Variants in GRM1 observed in about 807,000 individuals in gnomAD.
The protein encoded by GRM1 is metabotropic glutamate receptor 1.
A neutral mutation model predicts 90.9 loss-of-function variants in GRM1; 33 were observed. The ratio of observed to expected loss-of-function variants is 0.36; its 90% CI spans 0.28 to 0.49. The LOEUF is 0.49. Ranked by LOEUF, GRM1 falls within the 20% of genes least tolerant of loss-of-function variation. The pLI is 0.99. For missense variants in GRM1, 1,190 were observed against 1,534.3 expected (o/e 0.78, Z 3.75); for synonymous variants, 700 against 613.2 (o/e 1.14, Z -2.09).
intron 2 of GRM1, chr6:146,159,866 G>T: frequency 2.8e-6 from 1 of 363,250 alleles, no homozygotes. Flanking sequence ...AGTGAGCTAT[G>T]ATTGGTGCCA....
chr6:146,141,177 C>T (rs766375741), intron 1 of GRM1, among the ~76,000 whole-genome samples: 2 of 151,790 alleles, frequency 1.3e-5, no homozygotes, highest in African/African-American at 2.4e-5. Context: ...GATTTTTTTT[C>T]GTCCTGCATT....
At chr6:146,366,036 T>A (rs978599422) in intron 5 of GRM1, among the ~76,000 whole-genome samples, 16 of 152,302 alleles carry the variant, frequency 1.1e-4, no homozygotes, top group Admixed American at 3.9e-4. Context: ...TTTTGTAGAA[T>A]GACAGCTCCT....
At chr6:146,367,172 T>C (rs1308638139) in intron 5 of GRM1, among the ~76,000 whole-genome samples, 2 of 152,180 alleles carry the variant, frequency 1.3e-5, no homozygotes, top group Non-Finnish European at 2.9e-5. Flanking sequence ...CTTCCCCCAG[T>C]GTATTTTCTT....
At chr6:146,055,320 TGTTGA>T (rs1775447709) in intron 1 of GRM1, among the ~76,000 whole-genome samples, 1 of 152,120 alleles carries the variant, frequency 6.6e-6, no homozygotes, top group Non-Finnish European at 1.5e-5. Flanking sequence ...CTAGCATGGA[TGTTGA>T]GTTAAGTCTT....
intron 3 of GRM1, among the ~76,000 whole-genome samples, chr6:146,337,406 CTAA>C (rs1400718785): frequency 6.6e-6 from 1 of 152,156 alleles, no homozygotes; most frequent in Non-Finnish European, 1.5e-5. Flanking sequence ...ATTTGGCCAA[CTAA>C]TAATGAAATT....
intron 2 of GRM1, among the ~76,000 whole-genome samples, chr6:146,298,331 A>G (rs781023542): frequency 1.3e-5 from 2 of 152,178 alleles, no homozygotes; most frequent in African/African-American, 2.4e-5. Context: ...TGTCTGAAGC[A>G]GAGCCCTACT....
At chr6:146,323,652 A>G (rs1236942176) in intron 3 of GRM1, among the ~76,000 whole-genome samples, 3 of 152,318 alleles carry the variant, frequency 2.0e-5, no homozygotes, top group African/African-American at 7.2e-5. Flanking sequence ...TGTTTTAGAC[A>G]TGAAGTCCTT....
chr6:146,413,677 A>C (rs1410441706), intron 7 of GRM1, among the ~76,000 whole-genome samples: 1 of 152,204 alleles, frequency 6.6e-6, no homozygotes, highest in Non-Finnish European at 1.5e-5. Flanking sequence ...ACCAAAACCT[A>C]GGACATTGCC....
chr6:146,210,201 A>G (rs1230520029), intron 2 of GRM1, among the ~76,000 whole-genome samples: 5 of 152,200 alleles, frequency 3.3e-5, no homozygotes, highest in African/African-American at 1.2e-4. Flanking sequence ...TTGAGGGACA[A>G]AAGAAAGAAA....
chr6:146,049,316 T>A (rs1046864260), intron 1 of GRM1, among the ~76,000 whole-genome samples: 4 of 151,960 alleles, frequency 2.6e-5, no homozygotes, highest in African/African-American at 9.7e-5. Flanking sequence ...AATCAATGGG[T>A]TGAGCAAGGA....
chr6:146,246,643 G>T (rs1781068853), intron 2 of GRM1, among the ~76,000 whole-genome samples: 1 of 152,154 alleles, frequency 6.6e-6, no homozygotes, highest in South Asian at 2.1e-4. Flanking sequence ...TATTTCTAGA[G>T]AAATGTGTCA....
chr6:146,096,715 G>C (rs1776886222), intron 1 of GRM1, among the ~76,000 whole-genome samples: 1 of 152,216 alleles, frequency 6.6e-6, no homozygotes, highest in Admixed American at 6.5e-5. Context: ...CTAATTCTTA[G>C]GAAGATGAGA....
At chr6:146,338,356 CCAA>C (rs1177708003) in intron 3 of GRM1, among the ~76,000 whole-genome samples, 1 of 152,186 alleles carries the variant, frequency 6.6e-6, no homozygotes, top group Non-Finnish European at 1.5e-5. Context: ...AAGCTCAGCC[CCAA>C]CAAGTCCTCT....
chr6:146,184,850 G>A (rs943742137), intron 2 of GRM1, among the ~76,000 whole-genome samples: 16 of 152,274 alleles, frequency 1.1e-4, no homozygotes, highest in African/African-American at 3.9e-4. Context: ...ATGTGTCAGA[G>A]TATTTCCCTT....
intron 1 of GRM1, among the ~76,000 whole-genome samples, chr6:146,072,693 GAGGA>G (rs1776054382): frequency 1.3e-5 from 2 of 152,118 alleles, no homozygotes; most frequent in African/African-American, 4.8e-5. Flanking sequence ...ATGCCAGATA[GAGGA>G]AGGAAGAGAT....
At chr6:146,139,781 T>C (rs1583058679) in intron 1 of GRM1, among the ~76,000 whole-genome samples, 2 of 152,164 alleles carry the variant, frequency 1.3e-5, no homozygotes, top group Non-Finnish European at 2.9e-5. Flanking sequence ...TATCTTTTGA[T>C]TGGAGTGTTT....
intron 3 of GRM1, among the ~76,000 whole-genome samples, chr6:146,339,169 C>T (rs1321299144): frequency 6.6e-6 from 1 of 152,188 alleles, no homozygotes; most frequent in African/African-American, 2.4e-5. Flanking sequence ...CTGGCATTCT[C>T]ATTTTAATTT....
chr6:146,283,905 A>G (rs1782669766), intron 2 of GRM1, among the ~76,000 whole-genome samples: 1 of 152,236 alleles, frequency 6.6e-6, no homozygotes. Context: ...TAGATAATAC[A>G]GAAACAGTTG....
At chr6:146,381,904 G>A (rs1250787589) in intron 5 of GRM1, among the ~76,000 whole-genome samples, 2 of 151,696 alleles carry the variant, frequency 1.3e-5, no homozygotes, top group South Asian at 2.1e-4. Flanking sequence ...ATCCATTTCC[G>A]GTTGCTTCAG....
Sources: gnomAD v4.1 joint callset for allele counts (sites outside exome capture counted in the v4.1 genomes callset) on GRCh38, gnomAD v4.1.1 for gene constraint, MANE v1.5 for transcripts, NCBI Gene and HGNC (gene_info 2026-07-23, HGNC 2026-07-21) for gene names.